The following ANO3 variants were observed in gnomAD, a reference collection of about 807,000 sequenced individuals.
ANO3 encodes anoctamin 3, also known as anoctamin-3.
ANO3 carries 99 observed loss-of-function variants against 144.8 expected under a neutral mutation model. The observed-to-expected ratio is 0.68, with a 90% CI of 0.58 to 0.81. ANO3 has a LOEUF of 0.81. ANO3 is among the 30% of genes least tolerant of loss of function. The probability of loss-of-function intolerance (pLI) is 0.00; values close to 1 mark genes in which losing one functional copy is unlikely to be tolerated. For synonymous variants in ANO3, 414 were observed against 392.6 expected, an observed-to-expected ratio of 1.05 and a Z score of -0.64; for missense variants, 905 against 1,202.2, an observed-to-expected ratio of 0.75 and a Z score of 3.66.
intron 1 of ANO3, among the ~76,000 whole-genome samples, chr11:26,255,209 C>T (rs550612070): frequency 5.9e-5 from 9 of 152,280 alleles, no homozygotes; most frequent in African/African-American, 2.2e-4. Context: ...ATGTTATCCT[C>T]AGGCAACAAA....
At chr11:26,599,421 T>A in intron 16 of ANO3, 129 bp from the exon 17 acceptor site, 1 of 954,936 alleles carries the variant, frequency 1.0e-6, no homozygotes, top group Non-Finnish European at 1.5e-6. Flanking sequence ...GAAAATTAAA[T>A]CTAGATATCC....
rs1288222036 is a variant in ANO3 at position 26,365,971 on chromosome 11, TATATATATATATATATATA to T, written c.46+33651_46+33669del. On this transcript the variant is annotated intron_variant, in intron 1 of 26. Coordinates refer to ENST00000256737, the MANE Select transcript of ANO3 (RefSeq NM_031418.4). ...TTTTTTCTTTATATATATATATATATATATATATATATATATATATATATATATATATTTTAATTATACT... is the reference window on the plus strand; with the variant it reads ...TTTTTTCTTTATATATATATATATATTATATATATATATTTTAATTATACT... 1.9e-4 allele frequency among the ~76,000 whole-genome samples: 13 copies of T among 68,622 alleles called. 1 individual carries two copies. Among genetic ancestry groups the T allele is most frequent in the African/African-American group, 7.7e-4 (11 of 14,356 alleles). The allele number at this position is 68,622 out of a possible 152,430, so 45.0% of individuals were successfully genotyped here.
At chr11:26,598,707 A>C (rs1018331516) in intron 15 of ANO3, 151 bp from the exon 16 acceptor site, 4 of 737,470 alleles carry the variant, frequency 5.4e-6, no homozygotes, top group African/African-American at 5.3e-5. Context: ...ATTTATTTGG[A>C]AGGTAATTTG....
At chr11:26,243,849 C>T (rs565464548) in intron 1 of ANO3, among the ~76,000 whole-genome samples, 1 of 151,806 alleles carries the variant, frequency 6.6e-6, no homozygotes, top group Non-Finnish European at 1.5e-5. Context: ...AGGCCAGGTG[C>T]GGTGTCACGC....
intron 8 of ANO3, 119 bp from the exon 9 acceptor site, chr11:26,534,337 A>T (rs1051587594): frequency 1.8e-6 from 1 of 562,430 alleles, no homozygotes; most frequent in African/African-American, 1.9e-5. Flanking sequence ...TTTTTTAAAG[A>T]GGATGATTTC....
chr11:26,466,543 C>G (rs1859608355), intron 4 of ANO3, among the ~76,000 whole-genome samples: 1 of 151,962 alleles, frequency 6.6e-6, no homozygotes, highest in African/African-American at 2.4e-5. Flanking sequence ...GGGATTCTCC[C>G]TTTACCATGT....
chr11:26,418,735 C>T (rs1421137093), intron 1 of ANO3, among the ~76,000 whole-genome samples: 1 of 152,060 alleles, frequency 6.6e-6, no homozygotes, highest in African/African-American at 2.4e-5. Context: ...CACTGTCTCT[C>T]TCTCTCTCTG....
intron 1 of ANO3, among the ~76,000 whole-genome samples, chr11:26,273,850 T>C (rs1401554736): frequency 6.6e-6 from 1 of 152,092 alleles, no homozygotes; most frequent in East Asian, 1.9e-4. Context: ...AGAAAACAAA[T>C]TGACATCTAG....
Position 26,564,722 on chromosome 11 carries a change from CACACACACACATATATATATAT to C in ANO3, c.1447+4945_1447+4966del, listed in dbSNP as rs1465596203. On this transcript the variant is annotated intron_variant, in intron 14 of 26. Coordinates refer to ENST00000256737, the MANE Select transcript of ANO3 (RefSeq NM_031418.4). ...ACACACACACACACACACACACACA[CACACACACACATATATATATAT>C]ATATATATATATATATATATATATA... is the stretch of plus-strand genomic sequence containing the variant. Among the ~76,000 whole-genome samples the C allele has an allele frequency of 4.8e-3, 322 of 66,774 alleles. 1 individual carries two copies. The highest frequency in any genetic ancestry group is 7.1e-3 in the Non-Finnish European group (242 of 33,926). 43.8% of individuals were successfully genotyped at this position (66,774 alleles called of 152,430 possible). A position where few individuals can be genotyped will look rare whatever the true frequency, so the allele number is the denominator to read the frequency against.
chr11:26,584,634 G>A (rs900956397), intron 14 of ANO3, among the ~76,000 whole-genome samples: 2 of 152,176 alleles, frequency 1.3e-5, no homozygotes, highest in African/African-American at 4.8e-5. Flanking sequence ...AAAACTTCAA[G>A]TGTAGTAAAA....
intron 1 of ANO3, among the ~76,000 whole-genome samples, chr11:26,192,949 A>G (rs1046353506): frequency 2.0e-5 from 3 of 152,090 alleles, no homozygotes; most frequent in African/African-American, 4.8e-5. Flanking sequence ...TTCTGGATAC[A>G]TGTGCAGGAC....
chr11:26,612,920 T>C (rs921791243), intron 17 of ANO3, among the ~76,000 whole-genome samples: 1 of 152,154 alleles, frequency 6.6e-6, no homozygotes, highest in Non-Finnish European at 1.5e-5. Context: ...TTGCAGATTT[T>C]GGAATCTTCT....
At chr11:26,199,514 A>C (rs11601570) in intron 1 of ANO3, among the ~76,000 whole-genome samples, 49,360 of 151,978 alleles carry the variant, frequency 0.32, 8,407 homozygotes, top group Non-Finnish European at 0.37. Flanking sequence ...GGGACACAGG[A>C]ATAAATTTAT....
chr11:26,633,316 C>T (rs1017401032), intron 18 of ANO3, among the ~76,000 whole-genome samples: 2 of 152,090 alleles, frequency 1.3e-5, no homozygotes, highest in African/African-American at 4.8e-5. Flanking sequence ...ATCATCTTGT[C>T]TAAATCCCTT....
chr11:26,511,844 C>G (rs1253478894), intron 5 of ANO3, among the ~76,000 whole-genome samples: 1 of 151,966 alleles, frequency 6.6e-6, no homozygotes, highest in Non-Finnish European at 1.5e-5. Context: ...CCCACCACAG[C>G]ATAGATCAAT....
chr11:26,274,115 T>C (rs1259516258), intron 1 of ANO3, among the ~76,000 whole-genome samples: 2 of 152,094 alleles, frequency 1.3e-5, no homozygotes, highest in Admixed American at 6.6e-5. Flanking sequence ...TGCTCACATT[T>C]TACTGCCCTG....
At chr11:26,524,825 C>A (rs940292711) in intron 6 of ANO3, among the ~76,000 whole-genome samples, 1 of 152,124 alleles carries the variant, frequency 6.6e-6, no homozygotes, top group Non-Finnish European at 1.5e-5. Flanking sequence ...GGATCCTCAA[C>A]TTTTAGTGTA....
intron 14 of ANO3, among the ~76,000 whole-genome samples, chr11:26,576,667 A>G (rs1332515644): frequency 3.9e-5 from 6 of 152,128 alleles, no homozygotes; most frequent in African/African-American, 1.4e-4. Flanking sequence ...CATTTTCTTC[A>G]TAGCACTTAT....
At chr11:26,597,339 G>A (rs981284791) in intron 14 of ANO3, among the ~76,000 whole-genome samples, 2 of 152,176 alleles carry the variant, frequency 1.3e-5, no homozygotes, top group Non-Finnish European at 2.9e-5. Context: ...GAAGCCATGG[G>A]TCACAGAAGG....
Sources: gnomAD v4.1 joint callset for allele counts (sites outside exome capture counted in the v4.1 genomes callset) on GRCh38, gnomAD v4.1.1 for gene constraint, MANE v1.5 for transcripts, NCBI Gene and HGNC (gene_info 2026-07-23, HGNC 2026-07-21) for gene names.